TRPM7: variants seen among roughly 807,000 people sequenced by gnomAD.
TRPM7 encodes LTRPC ion channel family member 7.
A neutral mutation model predicts 229.7 loss-of-function variants in TRPM7; 134 were observed. The ratio of observed to expected loss-of-function variants is 0.58; its 90% CI spans 0.51 to 0.67. The LOEUF (loss-of-function observed/expected upper bound fraction) is 0.67. Among genes scored for constraint, TRPM7 ranks in the 30% least tolerant of loss-of-function variants. The pLI is 0.00. For synonymous variants in TRPM7, 699 were observed against 715.2 expected (o/e 0.98, Z 0.36); for missense variants, 1,901 against 2,210.0 (o/e 0.86, Z 2.80).
chr15:50,607,814 A>G (rs920987440), intron 19 of TRPM7, among the ~76,000 whole-genome samples: 2 of 151,726 alleles, frequency 1.3e-5, no homozygotes, highest in African/African-American at 4.8e-5. Context: ...TGGGAAGCCA[A>G]TGCAGGCAGA....
intron 11 of TRPM7, 139 bp from the exon 12 acceptor site, chr15:50,624,439 A>G: frequency 1.5e-6 from 1 of 671,814 alleles, no homozygotes; most frequent in Non-Finnish European, 2.3e-6. Flanking sequence ...CAACACAGTA[A>G]AAAGCTAATA....
At chr15:50,674,011 T>C (rs777484586) in intron 1 of TRPM7, among the ~76,000 whole-genome samples, 1 of 152,184 alleles carries the variant, frequency 6.6e-6, no homozygotes, top group African/African-American at 2.4e-5. Context: ...TTTCTTGAGA[T>C]GGAGTTTTAC....
chr15:50,621,449 AC>A (rs1038116538), intron 12 of TRPM7, among the ~76,000 whole-genome samples: 20 of 152,330 alleles, frequency 1.3e-4, no homozygotes, highest in African/African-American at 4.8e-4. Context: ...ATGTACTTTA[AC>A]ACAGTAATTC....
intron 4 of TRPM7, among the ~76,000 whole-genome samples, chr15:50,646,911 C>T (rs981566396): frequency 6.6e-6 from 1 of 152,100 alleles, no homozygotes; most frequent in Admixed American, 6.6e-5. Context: ...ATATTTAGTA[C>T]AATAACATGC....
chr15:50,686,698 G>T lies in TRPM7; in HGVS notation c.-165C>A. ...AACTAACTCAGCTCCGGCGCTAGCA[G>T]CAGAAGCCGAGTCTTTCATAATTGT... On this transcript the variant is annotated 5_prime_UTR_variant, in exon 1 of 39. In the 5' UTR this introduces an upstream ATG that the reference lacks. Transcript: ENST00000646667. 1.1e-6 allele frequency: 1 copy of T among 881,326 alleles called. No individual in the cohort carries two copies. The highest frequency in any genetic ancestry group is 1.7e-6 in the Non-Finnish European group (1 of 598,702). 54.6% of individuals were successfully genotyped at this position (881,326 alleles called of 1,614,324 possible).
At chr15:50,592,726 C>A in intron 25 of TRPM7, 100 bp from the exon 26 acceptor site, 2 of 787,840 alleles carry the variant, frequency 2.5e-6, no homozygotes, top group Non-Finnish European at 3.9e-6. Context: ...AAAAATTTCA[C>A]ATGCATTTAA....
intron 1 of TRPM7, among the ~76,000 whole-genome samples, chr15:50,668,609 G>A (rs897590494): frequency 6.6e-6 from 1 of 152,202 alleles, no homozygotes; most frequent in Admixed American, 6.6e-5. Context: ...CGGGGTCCAA[G>A]TAATTCTCCT....
intron 26 of TRPM7, among the ~76,000 whole-genome samples, chr15:50,589,904 CTGG>C (rs2059443160): frequency 6.6e-6 from 1 of 151,932 alleles, no homozygotes; most frequent in Admixed American, 6.6e-5. Context: ...GTTGCCCAGG[CTGG>C]AGTGCAGTGG....
rs141419374 is a variant in TRPM7 at position 50,641,684 on chromosome 15, C to T, written c.535+1656G>A. Among the ~76,000 whole-genome samples, 47 of 152,286 alleles carry T rather than the reference C, an allele frequency of 3.1e-4. 1 individual carries two copies. The East Asian group carries it at 7.9e-3, about 26-fold the overall frequency. ...AATAAATTCTTAGCAGCCTCAAAAA[C>T]TTCTGACACAATGAGGTTCAAAAAA... is the stretch of plus-strand genomic sequence containing the variant. On this transcript the variant is annotated intron_variant, in intron 5 of 38. Transcript: ENST00000646667.
chr15:50,613,779 G>C lies in TRPM7; in HGVS notation c.1698C>G (p.Gly566=). 1.9e-6 allele frequency: 3 copies of C among 1,613,632 alleles called. No homozygotes were observed. The highest frequency in any genetic ancestry group is 2.5e-6 in the Non-Finnish European group (3 of 1,179,868). The change falls in exon 15 of 39, where the codon GGC becomes GGG. Residue 566 remains glycine, a synonymous_variant. Transcript: ENST00000646667. ...PQLRKSHESF[G]NRADKKEKMR... ...TTTTTTCCTTTTTATCTGCCCTATT[G>C]CCAAAAGATTCATGACTCTTTCGCA...
rs1327510047 is a variant in TRPM7, at chr15:50,677,896, C to A, written c.3+8635G>T. 2.0e-5 allele frequency among the ~76,000 whole-genome samples: 3 copies of A among 151,838 alleles called. No homozygotes were observed. The East Asian group carries it at 5.8e-4, about 29-fold the overall frequency. On this transcript the variant is annotated intron_variant, in intron 1 of 38. Transcript: ENST00000646667. ...CGGTAATCAAATTAAAAGAAATTGC[C>A]TACTAATAAAGTTCATGTGCTCAAG... is the stretch of plus-strand genomic sequence containing the variant.
At chr15:50,619,623 C>A in intron 13 of TRPM7, 122 bp downstream of exon 13, 1 of 828,010 alleles carries the variant, frequency 1.2e-6, no homozygotes, top group Admixed American at 3.2e-5. Flanking sequence ...TTATCTTGTT[C>A]TGTAAACTGT....
chr15:50,652,466 A>G (rs905953620), intron 3 of TRPM7, among the ~76,000 whole-genome samples: 2 of 151,532 alleles, frequency 1.3e-5, no homozygotes, highest in African/African-American at 4.8e-5. Context: ...ATAATGAGAA[A>G]AACTGAACAG....
intron 3 of TRPM7, among the ~76,000 whole-genome samples, chr15:50,652,328 C>CAAA (rs34122648): frequency 8.8e-5 from 3 of 34,230 alleles, no homozygotes; most frequent in African/African-American, 2.9e-4. Context: ...GACTCCATCT[C>CAAA]AAAAAAAAAA....
intron 38 of TRPM7, among the ~76,000 whole-genome samples, chr15:50,566,620 T>C (rs2053609910): frequency 6.6e-6 from 1 of 152,054 alleles, no homozygotes; most frequent in Non-Finnish European, 1.5e-5. Flanking sequence ...CGTTTGAACC[T>C]GGGAGGTGGA....
In TRPM7 at chr15:50,636,081, C is replaced by T. The variant is rs143408945; in HGVS notation, c.832+1341G>A. On this transcript the variant is annotated intron_variant, in intron 7 of 38. Transcript: ENST00000646667. ...TCCAAGACCTCTAGAAGAGCAACAA[C>T]AGATAAAATTAGTGAAGAATATGAA... 1.4e-3 allele frequency among the ~76,000 whole-genome samples: 206 copies of T among 149,158 alleles called. 1 individual carries two copies. The East Asian group carries it at 0.019, about 13-fold the overall frequency.
intron 1 of TRPM7, among the ~76,000 whole-genome samples, chr15:50,673,514 TATG>T (rs1567122516): frequency 6.6e-6 from 1 of 152,168 alleles, no homozygotes; most frequent in African/African-American, 2.4e-5. Flanking sequence ...AGTGGGAACA[TATG>T]ATGTTTGGTT....
intron 1 of TRPM7, among the ~76,000 whole-genome samples, chr15:50,682,617 A>G (rs1247133094): frequency 6.6e-6 from 1 of 152,094 alleles, no homozygotes; most frequent in Non-Finnish European, 1.5e-5. Flanking sequence ...CCTAAATCCA[A>G]AATTAACTGT....
At chr15:50,608,679 T>C (rs542431267) in intron 19 of TRPM7, among the ~76,000 whole-genome samples, 1 of 152,314 alleles carries the variant, frequency 6.6e-6, no homozygotes, top group Non-Finnish European at 1.5e-5. Context: ...CTCAGGTTAA[T>C]GGTCACATGT....
Sources: gnomAD v4.1 joint callset for allele counts (sites outside exome capture counted in the v4.1 genomes callset) on GRCh38, gnomAD v4.1.1 for gene constraint, MANE v1.5 for transcripts, NCBI Gene and HGNC (gene_info 2026-07-23, HGNC 2026-07-21) for gene names.